The following SMG7 variants were observed in gnomAD, a reference collection of about 807,000 sequenced individuals.
SMG7 encodes SMG7 nonsense mediated mRNA decay factor, also known as nonsense-mediated mRNA decay factor SMG7.
A neutral mutation model predicts 148.2 loss-of-function variants in SMG7; 34 were observed. The observed-to-expected ratio is 0.23, with a 90% CI of 0.17 to 0.31. The LOEUF (loss-of-function observed/expected upper bound fraction) is 0.31. Ranked by LOEUF, SMG7 falls within the 10% of genes least tolerant of loss-of-function variation. SMG7 has a pLI of 1.00. For synonymous variants in SMG7, 492 were observed against 515.1 expected (o/e 0.96, Z 0.61); for missense variants, 1,114 against 1,408.4 (o/e 0.79, Z 3.35).
chr1:183,551,306 A>G (rs1397660366), intron 22 of SMG7, 116 bp downstream of exon 22: 4 of 942,692 alleles, frequency 4.2e-6, no homozygotes, highest in Non-Finnish European at 6.2e-6. Flanking sequence ...TACATAGCAC[A>G]TATATAACAA....
chr1:183,500,888 A>C (rs1189001852), intron 1 of SMG7, among the ~76,000 whole-genome samples: 1 of 152,188 alleles, frequency 6.6e-6, no homozygotes, highest in Admixed American at 6.5e-5. Flanking sequence ...GAGGAACTTG[A>C]GTTTTATCAT....
At chr1:183,524,593 G>A (rs529151705) in intron 4 of SMG7, among the ~76,000 whole-genome samples, 3 of 152,338 alleles carry the variant, frequency 2.0e-5, no homozygotes, top group South Asian at 2.1e-4. Context: ...CTTCTGAGTT[G>A]AGCCCTTAGG....
At chr1:183,550,266 TGTG>T (rs1270079950) in intron 20 of SMG7, among the ~76,000 whole-genome samples, 2 of 152,252 alleles carry the variant, frequency 1.3e-5, no homozygotes, top group East Asian at 1.9e-4. Context: ...GACAGTGTCT[TGTG>T]GTGTTGCCCA....
intron 1 of SMG7, among the ~76,000 whole-genome samples, chr1:183,503,429 TA>T (rs1557982338): frequency 6.6e-6 from 1 of 152,158 alleles, no homozygotes; most frequent in East Asian, 1.9e-4. Flanking sequence ...TAAAAAAAAA[TA>T]ACATCCTGAC....
At chr1:183,481,001 C>G (rs1011568433) in intron 1 of SMG7, among the ~76,000 whole-genome samples, 5 of 152,148 alleles carry the variant, frequency 3.3e-5, no homozygotes, top group Non-Finnish European at 5.9e-5. Context: ...TTAACAAATT[C>G]TGGTTCTTTT....
chr1:183,504,186 A>G (rs1474428111), intron 1 of SMG7, among the ~76,000 whole-genome samples: 1 of 152,186 alleles, frequency 6.6e-6, no homozygotes, highest in Non-Finnish European at 1.5e-5. Context: ...GTTCCTTAAA[A>G]GTAGGTATCT....
intron 1 of SMG7, among the ~76,000 whole-genome samples, chr1:183,499,620 G>C (rs1032994609): frequency 2.0e-5 from 3 of 152,024 alleles, no homozygotes; most frequent in African/African-American, 7.2e-5. Context: ...AGAGTTCTTT[G>C]TATATTTCAG....
intron 12 of SMG7, among the ~76,000 whole-genome samples, chr1:183,539,634 G>T (rs536767168): frequency 6.6e-6 from 1 of 152,278 alleles, no homozygotes; most frequent in African/African-American, 2.4e-5. Context: ...TTCCGATTTG[G>T]TCAGCCAAAA....
At chr1:183,511,152 A>T (rs1391003786) in intron 1 of SMG7, among the ~76,000 whole-genome samples, 1 of 151,944 alleles carries the variant, frequency 6.6e-6, no homozygotes, top group Admixed American at 6.6e-5. Flanking sequence ...AAAAAAAAAA[A>T]TCTCTCTTAA....
chr1:183,535,299 T>C (rs185839731), intron 10 of SMG7, among the ~76,000 whole-genome samples: 20 of 152,328 alleles, frequency 1.3e-4, no homozygotes, highest in Admixed American at 1.3e-3. Flanking sequence ...TTTCTTCTCA[T>C]GGCAAAAGAT....
At chr1:183,475,664 G>A (rs1651980306) in intron 1 of SMG7, among the ~76,000 whole-genome samples, 1 of 152,186 alleles carries the variant, frequency 6.6e-6, no homozygotes, top group Non-Finnish European at 1.5e-5. Context: ...TTCCCTTTGG[G>A]ACTTTGGTCC....
chr1:183,508,431 A>G (rs1434853330), intron 1 of SMG7, among the ~76,000 whole-genome samples: 1 of 152,128 alleles, frequency 6.6e-6, no homozygotes, highest in African/African-American at 2.4e-5. Context: ...GGCTCCAGTG[A>G]TCCTCCTGCC....
At position 183,513,756 on chromosome 1, in the gene SMG7, G is replaced by T. The variant is rs141971023; in HGVS notation, c.61+888G>T. ...TTGAAAGGAGTAAATGAGGCATGGT[G>T]CGGTGGCTCACGCCTGTAATCCCAG... On this transcript the variant is annotated intron_variant, in intron 2 of 22. Transcript: ENST00000688051. 6.0e-4 allele frequency among the ~76,000 whole-genome samples: 91 copies of T among 152,202 alleles called. 2 individuals are homozygous for T. In the East Asian group the frequency reaches 0.017, roughly 28 times the overall value.
intron 10 of SMG7, 32 bp downstream of exon 10, chr1:183,533,864 T>C: frequency 6.3e-7 from 1 of 1,576,898 alleles, no homozygotes. Context: ...TGTTAACTTG[T>C]GTGCTTTGTT....
chr1:183,522,232 G>A (rs1030295364), intron 4 of SMG7, among the ~76,000 whole-genome samples: 9 of 152,114 alleles, frequency 5.9e-5, no homozygotes, highest in African/African-American at 1.9e-4. Context: ...AAACAAGGTT[G>A]GAGCCCAGTG....
At chr1:183,502,179 A>T (rs1659881818) in intron 1 of SMG7, 2 of 984,036 alleles carry the variant, frequency 2.0e-6, no homozygotes, top group Non-Finnish European at 2.7e-6. Context: ...TCAAATAAAG[A>T]TAAAATAATT....
intron 4 of SMG7, among the ~76,000 whole-genome samples, chr1:183,519,055 T>C (rs1664181267): frequency 6.6e-6 from 1 of 152,120 alleles, no homozygotes. Context: ...AAGCAGGTTG[T>C]GGTGCTACCT....
At chr1:183,490,581 T>G (rs1656701007) in intron 1 of SMG7, among the ~76,000 whole-genome samples, 1 of 152,232 alleles carries the variant, frequency 6.6e-6, no homozygotes, top group South Asian at 2.1e-4. Context: ...CCGCTACTGT[T>G]AATACTTTCT....
At position 183,546,120 on chromosome 1, in the gene SMG7, A is replaced by G; in HGVS notation, c.2525A>G (p.Gln842Arg). 6.2e-7 allele frequency: 1 copy of G among 1,614,030 alleles called. No homozygotes were observed. The highest frequency in any genetic ancestry group is 8.5e-7 in the Non-Finnish European group (1 of 1,179,974). The change falls in exon 17 of 23, where the codon CAG becomes CGG. Residue 842 changes from glutamine (Q) to arginine (R), a missense_variant. Physicochemically the swap from Gln to Arg is conservative, Grantham distance 43. This residue lies in a region of SMG7 where 788 missense variants were observed against 894.5 expected (regional missense o/e 0.88). Coordinates refer to ENST00000688051, the MANE Select transcript of SMG7 (RefSeq NM_001375584.1). The stretch of plus-strand genomic sequence containing the variant: ...TCATTGCAACCTCCTGTAATGCAGC[A>G]GCAGCCTCTAGAAAAAAAAATGAAG... ...EPSLQPPVMQQQPLEKKMKPF... is the reference protein window; with the variant it reads ...EPSLQPPVMQRQPLEKKMKPF...
Sources: gnomAD v4.1 joint callset for allele counts (sites outside exome capture counted in the v4.1 genomes callset) on GRCh38, gnomAD v4.1.1 for gene constraint, gnomAD v4.1.1 regional missense constraint, MANE v1.5 for transcripts, NCBI Gene and HGNC (gene_info 2026-07-23, HGNC 2026-07-21) for gene names.